Variants in FRMD5 observed in about 807,000 individuals in gnomAD.
FRMD5 encodes FERM domain-containing protein 5.
A neutral mutation model predicts 69.0 loss-of-function variants in FRMD5; 20 were observed. The observed-to-expected ratio is 0.29, with a 90% CI of 0.20 to 0.42. FRMD5 has a LOEUF of 0.42. Ranked by LOEUF, FRMD5 falls within the 10% of genes least tolerant of loss-of-function variation. The pLI, the probability that FRMD5 is intolerant of heterozygous loss-of-function variation, is 1.00. For missense variants in FRMD5, 595 were observed against 708.6 expected (o/e 0.84, Z 1.82); for synonymous variants, 271 against 260.1 (o/e 1.04, Z -0.40).
chr15:44,061,603 T>C lies in FRMD5; in HGVS notation c.102+133350A>G, dbSNP rs377277508. On this transcript the variant is annotated intron_variant, in intron 1 of 13. Transcript: ENST00000417257. ...ATCCCAGTTTGTTATGCCAGTCCAA[T>C]TTACCTGCTGCTGTCAGGGAAGTCC... Among the ~76,000 whole-genome samples the C allele has an allele frequency of 4.6e-5, 7 of 152,372 alleles. No homozygotes were observed. In the East Asian group the frequency reaches 1.3e-3, roughly 29 times the overall value.
At chr15:44,004,996 T>C (rs573791422) in intron 1 of FRMD5, among the ~76,000 whole-genome samples, 135 of 152,328 alleles carry the variant, frequency 8.9e-4, no homozygotes, top group African/African-American at 2.9e-3. Context: ...GTGGTCTGGA[T>C]AGAAGATCAC....
At chr15:43,911,728 G>C (rs888658501) in intron 4 of FRMD5, among the ~76,000 whole-genome samples, 1 of 152,188 alleles carries the variant, frequency 6.6e-6, no homozygotes, top group Non-Finnish European at 1.5e-5. Flanking sequence ...AATTCGAACA[G>C]TCTGAACCAA....
At chr15:43,982,827 G>C (rs1308308084) in intron 1 of FRMD5, among the ~76,000 whole-genome samples, 3 of 152,132 alleles carry the variant, frequency 2.0e-5, no homozygotes, top group African/African-American at 7.2e-5. Flanking sequence ...TTTTAAATCA[G>C]GGTATGAGAC....
Position 43,885,707 on chromosome 15 carries a change from G to C in FRMD5, c.933C>G (p.Phe311Leu). Reference sequence around the variant, plus strand: ...TGTATCGGAACCGGCTCCCTTTAAAGAATAAATTGCTGCTGGACACTGTGC... The same window carrying C: ...TGTATCGGAACCGGCTCCCTTTAAACAATAAATTGCTGCTGGACACTGTGC... ...QVRTVSSSNL[F>L]FKGSRFRYSG... The change falls in exon 11 of 14, where the codon TTC (phenylalanine) becomes TTG (leucine). Residue 311 changes from phenylalanine to leucine, a missense_variant. By Grantham distance (22) the Phe-to-Leu change is conservative. Transcript: ENST00000417257. The C allele has an allele frequency of 6.2e-7, 1 of 1,614,164 alleles. No individual in the cohort carries two copies. Among genetic ancestry groups the C allele is most frequent in the South Asian group, 1.1e-5 (1 of 91,082 alleles).
At chr15:44,103,606 C>T (rs879847954) in intron 1 of FRMD5, among the ~76,000 whole-genome samples, 14 of 152,270 alleles carry the variant, frequency 9.2e-5, no homozygotes, top group Non-Finnish European at 1.3e-4. Flanking sequence ...TAAGGTTGTG[C>T]GACCTTTGCC....
intron 1 of FRMD5, among the ~76,000 whole-genome samples, chr15:44,185,968 C>T (rs2078093768): frequency 6.6e-6 from 1 of 152,014 alleles, no homozygotes; most frequent in African/African-American, 2.4e-5. Context: ...CTCTTGTTGC[C>T]CAGGCTGGAG....
chr15:44,039,211 G>C (rs997228180), intron 1 of FRMD5, among the ~76,000 whole-genome samples: 6 of 152,230 alleles, frequency 3.9e-5, no homozygotes, highest in Admixed American at 1.3e-4. Flanking sequence ...CCCTGGGACA[G>C]AGCACCCGGG....
At chr15:44,026,432 C>T (rs986852640) in intron 1 of FRMD5, among the ~76,000 whole-genome samples, 1 of 152,164 alleles carries the variant, frequency 6.6e-6, no homozygotes, top group Non-Finnish European at 1.5e-5. Flanking sequence ...TACTGTATTT[C>T]TCATGTTCTA....
At chr15:43,939,031 T>C (rs2140482762) in intron 1 of FRMD5, among the ~76,000 whole-genome samples, 1 of 151,680 alleles carries the variant, frequency 6.6e-6, no homozygotes, top group South Asian at 2.1e-4. Flanking sequence ...CCGGCTAATT[T>C]TTTTTTTTTT....
intron 1 of FRMD5, among the ~76,000 whole-genome samples, chr15:44,155,061 CATCT>C (rs992737958): frequency 6.6e-6 from 1 of 152,194 alleles, no homozygotes; most frequent in Non-Finnish European, 1.5e-5. Flanking sequence ...TACCATCATA[CATCT>C]ATCAGCTAAA....
At chr15:43,948,660 C>G (rs1215915403) in intron 1 of FRMD5, among the ~76,000 whole-genome samples, 3 of 152,104 alleles carry the variant, frequency 2.0e-5, no homozygotes, top group Non-Finnish European at 4.4e-5. Flanking sequence ...ACCAATACTC[C>G]CTCACTCTAT....
intron 1 of FRMD5, among the ~76,000 whole-genome samples, chr15:43,951,920 G>A (rs944479399): frequency 6.6e-6 from 1 of 151,822 alleles, no homozygotes; most frequent in Non-Finnish European, 1.5e-5. Flanking sequence ...GGCTAAACCT[G>A]CTAAGGGGAC....
chr15:43,975,077 T>A (rs2090443233), intron 1 of FRMD5, among the ~76,000 whole-genome samples: 1 of 152,144 alleles, frequency 6.6e-6, no homozygotes, highest in Non-Finnish European at 1.5e-5. Flanking sequence ...CAGTGAACCA[T>A]GAGGAATGAG....
At chr15:44,082,788 A>T (rs950823476) in intron 1 of FRMD5, among the ~76,000 whole-genome samples, 16 of 152,020 alleles carry the variant, frequency 1.1e-4, no homozygotes, top group South Asian at 2.1e-4. Flanking sequence ...GGAATGAAAG[A>T]TAAGATATGA....
intron 1 of FRMD5, among the ~76,000 whole-genome samples, chr15:44,005,325 G>T (rs150270140): frequency 0.012 from 1,777 of 152,084 alleles, 28 homozygotes; most frequent in African/African-American, 0.04. Flanking sequence ...TACAAAATCA[G>T]CCGGGCATGG....
At chr15:44,076,087 T>C (rs1893750538) in intron 1 of FRMD5, among the ~76,000 whole-genome samples, 1 of 152,160 alleles carries the variant, frequency 6.6e-6, no homozygotes, top group Non-Finnish European at 1.5e-5. Flanking sequence ...ATGAGTAGGT[T>C]GCGAAAATTT....
rs929516731 is a variant in FRMD5 at position 44,001,650 on chromosome 15, A to C, written c.103-77341T>G. Among the ~76,000 whole-genome samples the C allele has an allele frequency of 6.6e-5, 10 of 151,086 alleles. No homozygotes were observed. In the East Asian group the frequency reaches 1.9e-3, roughly 29 times the overall value. ...TGAGACAAAAATCACTTTGTCATTC[A>C]GGCTGGAGTCCAGTGGCATGAACAC... is the stretch of plus-strand genomic sequence containing the variant. On this transcript the variant is annotated intron_variant, in intron 1 of 13. Coordinates refer to ENST00000417257, the MANE Select transcript of FRMD5 (RefSeq NM_032892.5).
intron 1 of FRMD5, among the ~76,000 whole-genome samples, chr15:44,112,327 G>A (rs1052050187): frequency 6.6e-6 from 1 of 152,102 alleles, no homozygotes; most frequent in African/African-American, 2.4e-5. Flanking sequence ...GAGAATAAAA[G>A]CCTGAAGGGA....
In FRMD5 at chr15:44,153,860, C is replaced by T. The variant is rs182795700; in HGVS notation, c.102+41093G>A. Among the ~76,000 whole-genome samples the T allele has an allele frequency of 1.8e-4, 27 of 152,224 alleles. No individual in the cohort carries two copies. In the East Asian group the frequency reaches 5.2e-3, roughly 29 times the overall value. ...GCAGGTGCCTGCTATCCCAGCTACT[C>T]AGGAGGCTGAGGCAGGAGAATTGCT... On this transcript the variant is annotated intron_variant, in intron 1 of 13. Coordinates refer to ENST00000417257, the MANE Select transcript of FRMD5 (RefSeq NM_032892.5).
Sources: allele counts gnomAD v4.1 joint callset (sites outside exome capture counted in the v4.1 genomes callset), GRCh38; gene constraint gnomAD v4.1.1; transcripts MANE v1.5; gene names NCBI Gene and HGNC (gene_info 2026-07-23, HGNC 2026-07-21).